The following AKR7A3 variants were observed in gnomAD, a reference collection of about 807,000 sequenced individuals.
AKR7A3 encodes the protein AFB1 aldehyde reductase 2.
In AKR7A3, 37 loss-of-function variants were observed where a neutral mutation model predicts 32.5. That is an observed-to-expected ratio of 1.14 (90% CI 0.88 to 1.50). AKR7A3 has a LOEUF of 1.50. Ranked by LOEUF, AKR7A3 falls within the 40% of genes most tolerant of loss-of-function variation. The pLI is 0.00. For synonymous variants in AKR7A3, 177 were observed against 188.4 expected, an observed-to-expected ratio of 0.94 and a Z score of 0.50; for missense variants, 412 against 453.2, an observed-to-expected ratio of 0.91 and a Z score of 0.83.
At chr1:19,279,732 G>A (rs1176036551), downstream of AKR7A3, among the ~76,000 whole-genome samples, 1 of 151,854 alleles carries the variant, frequency 6.6e-6, no homozygotes, top group Non-Finnish European at 1.5e-5. Context: ...GCTAGAGAAA[G>A]TTCTATTTGG....
intron 5 of AKR7A3, 145 bp from the exon 6 acceptor site, chr1:19,284,270 G>T: frequency 1.6e-6 from 2 of 1,221,488 alleles, no homozygotes; most frequent in Non-Finnish European, 2.2e-6. Flanking sequence ...CACTTTGCTG[G>T]GCAAGAGAAC....
At chr1:19,286,027 A>T in intron 2 of AKR7A3, 35 bp from the exon 3 acceptor site, 3 of 1,612,318 alleles carry the variant, frequency 1.9e-6, no homozygotes, top group Non-Finnish European at 2.5e-6. Context: ...AACATAGTGC[A>T]GCCCAGACCA....
downstream of AKR7A3, among the ~76,000 whole-genome samples, chr1:19,279,206 C>T (rs561303247): frequency 2.4e-3 from 366 of 152,120 alleles, 2 homozygotes; most frequent in Non-Finnish European, 4.5e-3. Flanking sequence ...AATTAATCCT[C>T]CTGCCTTGGC....
At position 19,285,044 on chromosome 1, in the gene AKR7A3, C is replaced by T; in HGVS notation, c.578G>A (p.Arg193Lys). The T allele has an allele frequency of 6.2e-7, 1 of 1,613,096 alleles. No homozygotes were observed. The highest frequency in any genetic ancestry group is 1.8e-4 in the Middle Eastern group (1 of 5,632). ...LFPCLRHFGL[R>K]FYAFNPLAGG... ...AGCCAGAGGGTTGAAGGCATAGAAC[C>T]TCAGTCCAAAGTGCCTGAGGCAGGG... Residue 193 changes from arginine (R) to lysine (K), a missense_variant, in exon 4 of 7, where the codon AGG becomes AAG. By Grantham distance (26) the Arg-to-Lys change is conservative. Transcript: ENST00000361640.
chr1:19,280,906 G>A (rs931527428), downstream of AKR7A3, among the ~76,000 whole-genome samples: 1 of 151,716 alleles, frequency 6.6e-6, no homozygotes, highest in African/African-American at 2.4e-5. Context: ...TTGTCTTGAC[G>A]CTCTTTAAAA....
the AKR7A3 span, among the ~76,000 whole-genome samples, chr1:19,276,056 G>A: frequency 1.4e-4 from 21 of 151,862 alleles, no homozygotes; most frequent in East Asian, 1.7e-3. Context: ...ACAGAAACTC[G>A]GTAAAGGTAT....
downstream of AKR7A3, among the ~76,000 whole-genome samples, chr1:19,278,808 T>C (rs563635489): frequency 2.0e-5 from 3 of 151,920 alleles, no homozygotes; most frequent in Non-Finnish European, 4.4e-5. Flanking sequence ...AGCACTCATC[T>C]ACTTTCTCTC....
chr1:19,283,576 T>A (rs2093722627), intron 6 of AKR7A3, among the ~76,000 whole-genome samples: 1 of 152,052 alleles, frequency 6.6e-6, no homozygotes, highest in Non-Finnish European at 1.5e-5. Flanking sequence ...ACGCCTATAA[T>A]CCCAGCACTT....
At chr1:19,281,684 C>T (rs1288952945), downstream of AKR7A3, among the ~76,000 whole-genome samples, 4 of 151,980 alleles carry the variant, frequency 2.6e-5, no homozygotes, top group East Asian at 7.7e-4. Context: ...GGGATTTGGA[C>T]AAAGATTATG....
downstream of AKR7A3, among the ~76,000 whole-genome samples, chr1:19,282,021 T>A (rs1411348351): frequency 1.3e-5 from 2 of 151,932 alleles, no homozygotes; most frequent in Non-Finnish European, 2.9e-5. Context: ...GATGAGACTT[T>A]GGCCTTATGA....
At chr1:19,282,222 A>T (rs1307072717), downstream of AKR7A3, among the ~76,000 whole-genome samples, 1 of 151,638 alleles carries the variant, frequency 6.6e-6, no homozygotes, top group African/African-American at 2.4e-5. Context: ...GCCTGGTGGG[A>T]GGGGTTAGGG....
At chr1:19,288,463 C>T (rs1480336994) in intron 1 of AKR7A3, 33 bp downstream of exon 1, 1 of 1,605,444 alleles carries the variant, frequency 6.2e-7, no homozygotes, top group Non-Finnish European at 8.5e-7. Flanking sequence ...CAGCTCTGCA[C>T]CGTGCAGGGG....
At chr1:19,284,540 CG>C in intron 5 of AKR7A3, 145 bp downstream of exon 5, 1 of 915,344 alleles carries the variant, frequency 1.1e-6, no homozygotes, top group South Asian at 1.6e-5. Flanking sequence ...ACAAGAAAAC[CG>C]ATGGAGGGTT....
intron 6 of AKR7A3, among the ~76,000 whole-genome samples, chr1:19,283,133 G>A (rs2093721902): frequency 6.7e-6 from 1 of 148,776 alleles, no homozygotes; most frequent in African/African-American, 2.5e-5. Flanking sequence ...CCCAGCAGCT[G>A]TGTAAACGCG....
At chr1:19,285,543 G>A (rs551391586) in intron 3 of AKR7A3, among the ~76,000 whole-genome samples, 4 of 151,642 alleles carry the variant, frequency 2.6e-5, no homozygotes, top group Admixed American at 2.0e-4. Context: ...GGGTCTTCTG[G>A]GCCCATCTAG....
At chr1:19,274,261 G>A in the AKR7A3 span, 1 of 1,240,318 alleles carries the variant, frequency 8.1e-7, no homozygotes, top group Admixed American at 3.7e-5. Flanking sequence ...TCAACCACGA[G>A]GACCGTCTGC....
downstream of AKR7A3, among the ~76,000 whole-genome samples, chr1:19,281,038 T>TTTTTG (rs1205832903): frequency 1.3e-5 from 2 of 151,540 alleles, no homozygotes; most frequent in African/African-American, 4.9e-5. Context: ...TTCTGTTTGT[T>TTTTTG]TTTTGTTTTG....
downstream of AKR7A3, among the ~76,000 whole-genome samples, chr1:19,277,606 C>T (rs1213140031): frequency 2.0e-5 from 3 of 151,776 alleles, no homozygotes; most frequent in Non-Finnish European, 4.4e-5. Context: ...ACTGCAATCT[C>T]GGTGTCCCAG....
chr1:19,276,774 C>T, the AKR7A3 span, among the ~76,000 whole-genome samples: 1 of 151,628 alleles, frequency 6.6e-6, no homozygotes, highest in Non-Finnish European at 1.5e-5. Context: ...TGCATTCCAG[C>T]CTGGACAACA....
Sources: gnomAD v4.1 joint callset for allele counts (sites outside exome capture counted in the v4.1 genomes callset) on GRCh38, gnomAD v4.1.1 for gene constraint, MANE v1.5 for transcripts, NCBI Gene and HGNC (gene_info 2026-07-23, HGNC 2026-07-21) for gene names.